Variants in MYOM1 observed in about 807,000 individuals in gnomAD.
MYOM1 encodes myomesin-1.
Under a neutral mutation model 205.3 loss-of-function variants are expected in MYOM1, and 164 were observed. The ratio of observed to expected loss-of-function variants is 0.80; its 90% confidence interval spans 0.70 to 0.91. The LOEUF (loss-of-function observed/expected upper bound fraction) is 0.91, where lower values mean the gene tolerates loss of function less well. Ranked by LOEUF, MYOM1 falls within the 40% of genes least tolerant of loss-of-function variation. The pLI is 0.00. For synonymous variants in MYOM1, 772 were observed against 789.4 expected (o/e 0.98, Z 0.37); for missense variants, 2,011 against 2,127.3 (o/e 0.95, Z 1.08).
chr18:3,187,884 G>C (rs2080843733), intron 4 of MYOM1, among the ~76,000 whole-genome samples: 1 of 141,904 alleles, frequency 7.0e-6, no homozygotes, highest in African/African-American at 2.9e-5. Context: ...TTTTGGCCCG[G>C]ACTGGAGTGC....
chr18:3,116,226 T>C, intron 21 of MYOM1, 105 bp downstream of exon 21: 2 of 1,250,078 alleles, frequency 1.6e-6, no homozygotes, highest in Non-Finnish European at 2.2e-6. Flanking sequence ...GCCCAATATA[T>C]GAAACAGATC....
intron 22 of MYOM1, 47 bp from the exon 23 acceptor site, chr18:3,102,677 C>T: frequency 6.3e-7 from 1 of 1,575,722 alleles, no homozygotes; most frequent in Non-Finnish European, 8.6e-7. Context: ...AGGAAAGCAA[C>T]CAAGTAAGAA....
intron 3 of MYOM1, among the ~76,000 whole-genome samples, chr18:3,190,874 A>G (rs748237147): frequency 2.6e-5 from 4 of 152,180 alleles, no homozygotes; most frequent in Non-Finnish European, 4.4e-5. Context: ...TTTATGTTTA[A>G]GTTCTCATTA....
chr18:3,157,723 A>AATC (rs1555624737), intron 10 of MYOM1, among the ~76,000 whole-genome samples: 15 of 134,198 alleles, frequency 1.1e-4, no homozygotes, highest in South Asian at 7.2e-4. Context: ...TAATAATAAT[A>AATC]ATCCTTCTTT....
Position 3,079,194 on chromosome 18 carries a change from C to G in MYOM1, c.4633G>C (p.Asp1545His), listed in dbSNP as rs780950239. 6.2e-7 allele frequency: 1 copy of G among 1,613,764 alleles called. No individual in the cohort carries two copies. Among genetic ancestry groups the G allele is most frequent in the Non-Finnish European group, 8.5e-7 (1 of 1,179,838 alleles). ...DGKTGHQKTV[D>H]LSGQAYDEAY... Reference sequence around the variant, plus strand: ...ATCTGTTTACCTTGTCCAGAGAGATCCACTGTCTTCTGATGTCCAGTTTTG... The same window carrying G: ...ATCTGTTTACCTTGTCCAGAGAGATGCACTGTCTTCTGATGTCCAGTTTTG... Residue 1545 changes from aspartate (D) to histidine (H), a missense_variant, in exon 34 of 38, where the codon GAT becomes CAT. By Grantham distance (81) the Asp-to-His change is moderately conservative. Transcript: ENST00000356443.
intron 34 of MYOM1, among the ~76,000 whole-genome samples, chr18:3,078,958 C>T (rs1291965967): frequency 5.4e-5 from 8 of 147,034 alleles, no homozygotes; most frequent in African/African-American, 2.0e-4. Flanking sequence ...AGGTGTGTGC[C>T]ACTTTACCCA....
intron 13 of MYOM1, among the ~76,000 whole-genome samples, chr18:3,148,434 A>G (rs530150009): frequency 6.6e-6 from 1 of 152,352 alleles, no homozygotes; most frequent in East Asian, 1.9e-4. Context: ...ATTGTGGACA[A>G]TGTAAACTAC....
intron 14 of MYOM1, among the ~76,000 whole-genome samples, chr18:3,140,649 T>C (rs891487438): frequency 6.6e-6 from 1 of 152,154 alleles, no homozygotes; most frequent in Non-Finnish European, 1.5e-5. Context: ...TTTCAGAAGT[T>C]TGCATACACC....
chr18:3,195,582 T>C (rs74494844), intron 2 of MYOM1, among the ~76,000 whole-genome samples: 7 of 152,222 alleles, frequency 4.6e-5, no homozygotes, highest in Non-Finnish European at 1.0e-4. Flanking sequence ...TCCAGAACAG[T>C]TGGATTTCTA....
chr18:3,155,229 A>AT (rs1016904913), intron 10 of MYOM1, 141 bp from the exon 11 acceptor site: 9,588 of 803,662 alleles, frequency 0.012, no homozygotes, highest in South Asian at 0.016. Flanking sequence ...AAATCTTGCT[A>AT]TTTTTTTTTT....
At chr18:3,090,917 C>T in intron 26 of MYOM1, 115 bp from the exon 27 acceptor site, 1 of 1,296,312 alleles carries the variant, frequency 7.7e-7, no homozygotes, top group African/African-American at 1.5e-5. Context: ...AGTGCCTGTT[C>T]ATGCCTGTAA....
intron 37 of MYOM1, among the ~76,000 whole-genome samples, chr18:3,070,126 T>G (rs115433983): frequency 6.6e-6 from 1 of 152,316 alleles, no homozygotes; most frequent in East Asian, 1.9e-4. Flanking sequence ...AGGACTGGTA[T>G]GTTAAACTTG....
At chr18:3,185,821 C>T (rs1185589547) in intron 5 of MYOM1, among the ~76,000 whole-genome samples, 1 of 152,066 alleles carries the variant, frequency 6.6e-6, no homozygotes, top group Non-Finnish European at 1.5e-5. Context: ...AGTTTACATA[C>T]ATAGAAAAAT....
chr18:3,149,186 G>T lies in MYOM1; in HGVS notation c.1859C>A (p.Pro620His), dbSNP rs1403403278. 3 of 1,612,114 alleles carry T rather than the reference G, an allele frequency of 1.9e-6. No homozygotes were observed. The South Asian group carries it at 3.3e-5, about 18-fold the overall frequency. Residue 620 changes from proline to histidine, a missense_variant, in exon 13 of 38, where the codon CCC becomes CAC. Pro to His is a moderately conservative substitution (Grantham distance 77). Coordinates refer to ENST00000356443, the MANE Select transcript of MYOM1 (RefSeq NM_003803.4). ...KARLKSRPSA[P>H]WTGQIIVTEE... ...AGTAACAATGATCTGTCCAGTCCAG[G>T]GTGCTGAGGGGCGACCTGAATAAAG...
At chr18:3,121,241 A>G (rs2079686560) in intron 19 of MYOM1, among the ~76,000 whole-genome samples, 1 of 152,214 alleles carries the variant, frequency 6.6e-6, no homozygotes, top group Admixed American at 6.5e-5. Flanking sequence ...TTTTCTAGAA[A>G]GATCTTCTGA....
At position 3,182,913 on chromosome 18, in the gene MYOM1, C is replaced by CTTTT. The variant is rs549386891; in HGVS notation, c.929+4563_929+4566dup. ...CCTCTGCAACTAACTTTTCTTTCTT[C>CTTTT]TTTTTTTTTTTTTTTTTTTTTTTTT... On this transcript the variant is annotated intron_variant, in intron 5 of 37. Transcript: ENST00000356443. Among the ~76,000 whole-genome samples, 263 of 92,292 alleles carry CTTTT rather than the reference C, an allele frequency of 2.8e-3. 1 individual carries two copies. The highest frequency in any genetic ancestry group is 3.9e-3 in the Non-Finnish European group (171 of 43,324). The allele number at this position is 92,292 out of a possible 152,430, so 60.5% of individuals were successfully genotyped here.
At chr18:3,095,539 GC>G (rs1289282447) in intron 25 of MYOM1, among the ~76,000 whole-genome samples, 6 of 152,192 alleles carry the variant, frequency 3.9e-5, no homozygotes, top group African/African-American at 1.4e-4. Context: ...CTGCACTCCA[GC>G]CTGGGCAACA....
intron 21 of MYOM1, among the ~76,000 whole-genome samples, chr18:3,115,971 T>A (rs923852374): frequency 6.6e-6 from 1 of 151,050 alleles, no homozygotes; most frequent in Non-Finnish European, 1.5e-5. Context: ...AAATCAACCA[T>A]CCCCCTAGAA....
chr18:3,231,335 T>G, the MYOM1 span, among the ~76,000 whole-genome samples: 1 of 152,124 alleles, frequency 6.6e-6, no homozygotes, highest in African/African-American at 2.4e-5. Context: ...GCTGAAATTA[T>G]GAGGGACCGC....
Sources: gnomAD v4.1 joint callset for allele counts (sites outside exome capture counted in the v4.1 genomes callset) on GRCh38, gnomAD v4.1.1 for gene constraint, MANE v1.5 for transcripts, NCBI Gene and HGNC (gene_info 2026-07-23, HGNC 2026-07-21) for gene names.